The following CEMIP2 variants were observed in gnomAD, a reference collection of about 807,000 sequenced individuals.
CEMIP2 encodes the protein cell surface hyaluronidase CEMIP2.
In CEMIP2, 79 loss-of-function variants were observed where a neutral mutation model predicts 146.9. That is an observed-to-expected ratio of 0.54 (90% CI 0.45 to 0.65). The LOEUF (loss-of-function observed/expected upper bound fraction) is 0.65, where lower values mean the gene tolerates loss of function less well. CEMIP2 is among the 30% of genes least tolerant of loss of function. The pLI, the probability that CEMIP2 is intolerant of heterozygous loss-of-function variation, is 0.00. For missense variants in CEMIP2, 1,596 were observed against 1,696.2 expected, an observed-to-expected ratio of 0.94 and a Z score of 1.04; for synonymous variants, 601 against 606.3, an observed-to-expected ratio of 0.99 and a Z score of 0.13.
rs779786603 is a variant in CEMIP2, at chr9:71,750,137, G to GT, written c.236dup (p.His79GlnfsTer12). ...TAGCAAAACAAATGAAAGTATTTTTGTGTCTCTTTTGCTTTTGACTTTCTC... is the reference window on the plus strand; with the variant it reads ...TAGCAAAACAAATGAAAGTATTTTTGTTGTCTCTTTTGCTTTTGACTTTCTC... On this transcript the variant is annotated frameshift_variant, in exon 2 of 24. Transcript: ENST00000377044. LOFTEE classifies it high-confidence loss of function. 2 of 1,613,664 alleles carry GT rather than the reference G, an allele frequency of 1.2e-6. No homozygotes were observed. The highest frequency in any genetic ancestry group is 1.7e-6 in the Non-Finnish European group (2 of 1,179,964).
At chr9:71,728,489 A>C (rs1775299538) in intron 10 of CEMIP2, among the ~76,000 whole-genome samples, 1 of 149,524 alleles carries the variant, frequency 6.7e-6, no homozygotes, top group East Asian at 2.0e-4. Flanking sequence ...CTCAGGGAGA[A>C]AAAAAAAGAT....
intron 14 of CEMIP2, 104 bp downstream of exon 14, chr9:71,716,413 A>T: frequency 1.0e-6 from 1 of 986,046 alleles, no homozygotes; most frequent in Non-Finnish European, 1.5e-6. Context: ...AATTTTTTTT[A>T]TGTTAAAAAA....
intron 11 of CEMIP2, 88 bp downstream of exon 11, chr9:71,725,492 CA>C (rs1449846393): frequency 6.6e-6 from 9 of 1,368,142 alleles, no homozygotes; most frequent in Non-Finnish European, 8.9e-6. Context: ...TCTACTACAG[CA>C]GCACAAAGTG....
rs759105117 is a variant in CEMIP2, at chr9:71,709,359, T to A, written c.2885A>T (p.Asp962Val). ...DIDGSVTGYKDAYVGRMDNYL... is the reference protein window; with the variant it reads ...DIDGSVTGYKVAYVGRMDNYL... ...GTTGTCCATTCTTCCCACATAAGCATCCTTGTATCCTGTCACAGAGCCATC... is the reference window on the plus strand; with the variant it reads ...GTTGTCCATTCTTCCCACATAAGCAACCTTGTATCCTGTCACAGAGCCATC... Residue 962 changes from aspartate (D) to valine (V), a missense_variant, in exon 17 of 24, where the codon GAT (aspartate) becomes GTT (valine). By Grantham distance (152) the Asp-to-Val change is radical. Transcript: ENST00000377044. 1.9e-6 allele frequency: 3 copies of A among 1,614,160 alleles called. No individual in the cohort carries two copies. Among genetic ancestry groups the A allele is most frequent in the Admixed American group, 1.7e-5 (1 of 60,018 alleles).
chr9:71,729,703 G>A (rs10869057), intron 10 of CEMIP2, 142 bp downstream of exon 10: 387,524 of 729,276 alleles, frequency 0.53, 109,090 homozygotes, highest in Non-Finnish European at 0.6. Flanking sequence ...ACCGTATTCT[G>A]CTCTCAACTA....
chr9:71,739,361 CAAAAAAAAAAA>C lies in CEMIP2; in HGVS notation c.1204+691_1204+701del, dbSNP rs71353516. The stretch of plus-strand genomic sequence containing the variant: ...TGGGTGACAGAGTGAGACTCTGTCT[CAAAAAAAAAAA>C]AAAAAAAAAAAAAAAAAAAGATGAC... On this transcript the variant is annotated intron_variant, in intron 5 of 23. Coordinates refer to ENST00000377044, the MANE Select transcript of CEMIP2 (RefSeq NM_013390.3). Among the ~76,000 whole-genome samples the C allele has an allele frequency of 7.0e-4, 30 of 42,840 alleles. No homozygotes were observed. In the South Asian group the frequency reaches 0.025, roughly 36 times the overall value. 28.1% of individuals were successfully genotyped at this position (42,840 alleles called of 152,430 possible).
At chr9:71,713,952 T>A (rs1370337428) in intron 15 of CEMIP2, among the ~76,000 whole-genome samples, 2 of 151,884 alleles carry the variant, frequency 1.3e-5, no homozygotes, top group East Asian at 3.9e-4. Flanking sequence ...TTCTATGGGC[T>A]AACACGAGTT....
chr9:71,711,931 A>C (rs1473987657), intron 16 of CEMIP2, 152 bp downstream of exon 16: 3 of 724,330 alleles, frequency 4.1e-6, no homozygotes, highest in East Asian at 2.7e-5. Flanking sequence ...TCAATGGGAG[A>C]GAGTGCATGG....
At chr9:71,716,430 A>G in intron 14 of CEMIP2, 87 bp downstream of exon 14, 1 of 1,120,432 alleles carries the variant, frequency 8.9e-7, no homozygotes, top group Non-Finnish European at 1.3e-6. Flanking sequence ...AAAAAATAAT[A>G]AAACATTCCT....
chr9:71,738,386 G>A (rs959674419), intron 5 of CEMIP2, among the ~76,000 whole-genome samples: 10 of 152,022 alleles, frequency 6.6e-5, no homozygotes, highest in African/African-American at 1.7e-4. Context: ...GTGGTGGCAC[G>A]CACCTGTAAT....
rs745599605 is a variant in CEMIP2 at position 71,697,986 on chromosome 9, T to C, written c.3596A>G (p.Gln1199Arg). 1 of 1,612,994 alleles carries C rather than the reference T, an allele frequency of 6.2e-7. No individual in the cohort carries two copies. The highest frequency in any genetic ancestry group is 8.5e-7 in the Non-Finnish European group (1 of 1,179,426). ...AGACCACTTTTCATCCTTGTTTACCTGCCGAGTGCCACAGCCTTGACAGAG... is the reference window on the plus strand; with the variant it reads ...AGACCACTTTTCATCCTTGTTTACCCGCCGAGTGCCACAGCCTTGACAGAG... ...TGLCQGCGTR[Q>R]VVFTSDPHKS... Residue 1199 changes from glutamine (Q) to arginine (R), a missense_variant and splice_region_variant, in exon 20 of 24, where the codon CAG becomes CGG. Transcript: ENST00000377044.
chr9:71,715,176 TA>T (rs1421975126), intron 14 of CEMIP2, 87 bp from the exon 15 acceptor site: 4 of 1,366,808 alleles, frequency 2.9e-6, no homozygotes, highest in Non-Finnish European at 3.9e-6. Flanking sequence ...ACTGAAAAGC[TA>T]AAAGTTTTAA....
intron 6 of CEMIP2, among the ~76,000 whole-genome samples, chr9:71,732,785 C>T (rs890341635): frequency 7.0e-6 from 1 of 143,196 alleles, no homozygotes; most frequent in Admixed American, 7.4e-5. Flanking sequence ...TGGCTTACTG[C>T]AAGCTCCGCC....
At chr9:71,694,400 G>C in intron 21 of CEMIP2, 109 bp downstream of exon 21, 1 of 786,356 alleles carries the variant, frequency 1.3e-6, no homozygotes, top group Non-Finnish European at 2.1e-6. Flanking sequence ...TGGGATCACA[G>C]GTGTGAGCCA....
intron 4 of CEMIP2, 104 bp downstream of exon 4, chr9:71,744,914 C>T (rs1181774825): frequency 7.8e-7 from 1 of 1,276,484 alleles, no homozygotes; most frequent in African/African-American, 1.5e-5. Flanking sequence ...AGTGGCCCTT[C>T]TGATGCCTGA....
chr9:71,762,961 C>T (rs1025452329), intron 1 of CEMIP2, among the ~76,000 whole-genome samples: 1 of 151,932 alleles, frequency 6.6e-6, no homozygotes, highest in African/African-American at 2.4e-5. Context: ...CTGCAGTGAG[C>T]TGTGATCATA....
At position 71,735,033 on chromosome 9, in the gene CEMIP2, A is replaced by G. The variant is rs773076676; in HGVS notation, c.1205-39T>C. ...AAAAAAAAGAAAAAGAAAGTGATAC[A>G]TTAACAGTATTTTTTTCTCTCTAAA... On this transcript the variant is annotated intron_variant, in intron 5 of 23. Transcript: ENST00000377044. 7 of 1,552,260 alleles carry G rather than the reference A, an allele frequency of 4.5e-6. No individual in the cohort carries two copies. In the South Asian group the frequency reaches 6.1e-5, roughly 13 times the overall value.
intron 17 of CEMIP2, among the ~76,000 whole-genome samples, chr9:71,706,435 G>A (rs1326648758): frequency 3.3e-5 from 5 of 151,956 alleles, no homozygotes; most frequent in South Asian, 2.1e-4. Context: ...ATAGTCCTAC[G>A]ATTCCCAGTG....
intron 5 of CEMIP2, among the ~76,000 whole-genome samples, chr9:71,736,550 T>A (rs891401181): frequency 2.6e-5 from 4 of 152,222 alleles, no homozygotes; most frequent in African/African-American, 9.6e-5. Context: ...ATCTAATGAC[T>A]ACTAATTACT....
Sources: gnomAD v4.1 joint callset for allele counts (sites outside exome capture counted in the v4.1 genomes callset) on GRCh38, gnomAD v4.1.1 for gene constraint, MANE v1.5 for transcripts, NCBI Gene and HGNC (gene_info 2026-07-23, HGNC 2026-07-21) for gene names.